Variants in KLHL21 observed in about 807,000 individuals in gnomAD.
KLHL21 encodes kelch like family member 21.
KLHL21 carries 42 observed loss-of-function variants against 44.1 expected under a neutral mutation model. The ratio of observed to expected loss-of-function variants is 0.95; its 90% CI spans 0.74 to 1.23. The LOEUF (loss-of-function observed/expected upper bound fraction) is 1.23. KLHL21 is among the 50% of genes most tolerant of loss of function. The pLI is 0.00. For synonymous variants in KLHL21, 524 were observed against 411.6 expected (o/e 1.27, Z -3.31); for missense variants, 918 against 889.1 (o/e 1.03, Z -0.41).
chr1:6,598,877 C>T (rs556675106), intron 2 of KLHL21, among the ~76,000 whole-genome samples, 170 bp downstream of exon 2: 2 of 152,286 alleles, frequency 1.3e-5, no homozygotes, highest in South Asian at 4.1e-4. Flanking sequence ...AGCGAGACTC[C>T]GTCTCAAAAA....
In KLHL21 at chr1:6,591,031, C is replaced by G. The variant is rs1640841003; in HGVS notation, c.*2334G>C. 1 of 398,572 alleles carries G rather than the reference C, an allele frequency of 2.5e-6. No individual in the cohort carries two copies. The highest frequency in any genetic ancestry group is 2.1e-5 in the African/African-American group (1 of 48,644). 24.7% of individuals were successfully genotyped at this position (398,572 alleles called of 1,614,324 possible). On this transcript the variant is annotated 3_prime_UTR_variant, in exon 4 of 4. Transcript: ENST00000377658. ...AACATGTGGCCATGCCCAGGCATCC[C>G]AGCATCTATCCTGAAGTCAGTGTAA...
chr1:6,602,710 G>C lies in KLHL21; in HGVS notation c.108C>G (p.Asp36Glu). 1 of 1,513,700 alleles carries C rather than the reference G, an allele frequency of 6.6e-7. No individual in the cohort carries two copies. Among genetic ancestry groups the C allele is most frequent in the South Asian group, 1.2e-5 (1 of 81,874 alleles). 93.8% of individuals were successfully genotyped at this position (1,513,700 alleles called of 1,614,324 possible). A position where few individuals can be genotyped will look rare whatever the true frequency, so the allele number is the denominator to read the frequency against. The change falls in exon 1 of 4, where the codon GAC becomes GAG. Residue 36 changes from aspartate to glutamate, a missense_variant. Asp to Glu is a conservative substitution (Grantham distance 45). Transcript: ENST00000377658. ...GCCCGCCCGCCGCCTCCAGGGTCAC[G>C]TCCAGGAACTTGCGCTCGGCGCGCA... ...SQLRAERKFL[D>E]VTLEAAGGRD...
Position 6,593,237 on chromosome 1 carries a change from G to A in KLHL21, c.*128C>T, listed in dbSNP as rs1021705041. 16 of 1,018,878 alleles carry A rather than the reference G, an allele frequency of 1.6e-5. No homozygotes were observed. The African/African-American group carries it at 1.6e-4, about 10-fold the overall frequency. 63.1% of individuals were successfully genotyped at this position (1,018,878 alleles called of 1,614,324 possible). ...CCTTCCAGGTAATGGATCCTGGGCT[G>A]GCTTCGCCACCCAAGAGCCTGTGCT... On this transcript the variant is annotated 3_prime_UTR_variant, in exon 4 of 4. Coordinates refer to ENST00000377658, the MANE Select transcript of KLHL21 (RefSeq NM_014851.4).
intron 2 of KLHL21, among the ~76,000 whole-genome samples, chr1:6,598,681 G>A (rs1420881451): frequency 6.6e-6 from 1 of 151,858 alleles, no homozygotes; most frequent in Non-Finnish European, 1.5e-5. Flanking sequence ...AGGAGATCAA[G>A]ACCATCCTGG....
rs1640872736 is a variant in KLHL21, at chr1:6,592,967, C to T, written c.*398G>A. 5.4e-6 allele frequency: 1 copy of T among 185,122 alleles called. No individual in the cohort carries two copies. The highest frequency in any genetic ancestry group is 1.1e-5 in the Non-Finnish European group (1 of 88,960). 11.5% of individuals were successfully genotyped at this position (185,122 alleles called of 1,614,324 possible). ...GCTCCAGGTTCAGGCCATCCTCAGC[C>T]TCATGGGAGGACCCCTTCTCCCTTC... On this transcript the variant is annotated 3_prime_UTR_variant, in exon 4 of 4. Transcript: ENST00000377658.
chr1:6,599,612 T>C, intron 1 of KLHL21, 160 bp from the exon 2 acceptor site: 1 of 748,346 alleles, frequency 1.3e-6, no homozygotes, highest in Non-Finnish European at 2.1e-6. Context: ...GGCCACATGT[T>C]GTGGCTAAGG....
rs953736657 is a variant in KLHL21, at chr1:6,591,319, C to T, written c.*2046G>A. 17 of 279,702 alleles carry T rather than the reference C, an allele frequency of 6.1e-5. No individual in the cohort carries two copies. The highest frequency in any genetic ancestry group is 1.1e-4 in the Admixed American group (2 of 18,934). The allele number at this position is 279,702 out of a possible 1,614,324, so 17.3% of individuals were successfully genotyped here. A position where few individuals can be genotyped will look rare whatever the true frequency, so the allele number is the denominator to read the frequency against. On this transcript the variant is annotated 3_prime_UTR_variant, in exon 4 of 4. Coordinates refer to ENST00000377658, the MANE Select transcript of KLHL21 (RefSeq NM_014851.4). ...CAAGCGCAGCTCTCCTGCACTGGCT[C>T]GCACCACAGCCCTCATCTGAGTGGC...
intron 2 of KLHL21, among the ~76,000 whole-genome samples, chr1:6,597,181 G>A (rs1325908336): frequency 2.6e-5 from 4 of 152,170 alleles, no homozygotes; most frequent in Non-Finnish European, 4.4e-5. Flanking sequence ...CCTCCCACAC[G>A]TGCAAGTGGC....
At position 6,599,294 on chromosome 1, in the gene KLHL21, G is replaced by A. The variant is rs141248147; in HGVS notation, c.1180C>T (p.Arg394Cys). 98 of 1,613,900 alleles carry A rather than the reference G, an allele frequency of 6.1e-5. No individual in the cohort carries two copies. The Middle Eastern group carries it at 1.2e-3, about 19-fold the overall frequency. ...LYVVAADSTERYDHTTDSWEA... is the reference protein window; with the variant it reads ...LYVVAADSTECYDHTTDSWEA... ...CAGGAGTCAGTGGTGTGGTCATAGC[G>A]CTCGGTGCTGTCGGCGGCCACCACG... The change falls in exon 2 of 4, where the codon CGC becomes TGC. Residue 394 changes from arginine (R) to cysteine (C), a missense_variant. Transcript: ENST00000377658.
rs1640862836 is a variant in KLHL21, at chr1:6,592,394, C to T, written c.*971G>A. ...GGGGCTGCCAAGCTGCGGCATTCAC[C>T]CTCCTGCAGAAAGCTTTGGCAATGG... On this transcript the variant is annotated 3_prime_UTR_variant, in exon 4 of 4. Coordinates refer to ENST00000377658, the MANE Select transcript of KLHL21 (RefSeq NM_014851.4). 1 of 152,216 alleles carries T rather than the reference C, an allele frequency of 6.6e-6. No individual in the cohort carries two copies. Among genetic ancestry groups the T allele is most frequent in the Admixed American group, 6.5e-5 (1 of 15,282 alleles). 9.4% of individuals were successfully genotyped at this position (152,216 alleles called of 1,614,324 possible).
Position 6,593,327 on chromosome 1 carries a change from G to C in KLHL21, c.*38C>G, listed in dbSNP as rs201663664. 1.6e-5 allele frequency: 24 copies of C among 1,528,768 alleles called. No homozygotes were observed. The East Asian group carries it at 4.1e-4, about 26-fold the overall frequency. The allele number at this position is 1,528,768 out of a possible 1,614,324, so 94.7% of individuals were successfully genotyped here. Reference sequence around the variant, plus strand: ...GGGGCACTGCCCCGCAGAGGTGCCAGTTACCTGCACCGAGGCCCGTGCCGG... The same window carrying C: ...GGGGCACTGCCCCGCAGAGGTGCCACTTACCTGCACCGAGGCCCGTGCCGG... On this transcript the variant is annotated 3_prime_UTR_variant, in exon 4 of 4. Coordinates refer to ENST00000377658, the MANE Select transcript of KLHL21 (RefSeq NM_014851.4).
At chr1:6,593,742 A>G (rs1372469777) in intron 3 of KLHL21, 84 bp from the exon 4 acceptor site, 8 of 1,465,862 alleles carry the variant, frequency 5.5e-6, no homozygotes, top group Non-Finnish European at 7.2e-6. Context: ...GAGACAAGGC[A>G]TGCCCTGTCA....
intron 2 of KLHL21, 116 bp from the exon 3 acceptor site, chr1:6,595,673 C>G (rs992460983): frequency 2.4e-6 from 2 of 834,446 alleles, no homozygotes; most frequent in African/African-American, 3.4e-5. Flanking sequence ...CTGGATCTTT[C>G]TGATGCCATC....
intron 1 of KLHL21, among the ~76,000 whole-genome samples, chr1:6,600,627 T>G (rs1274811181): frequency 6.6e-6 from 1 of 152,228 alleles, no homozygotes; most frequent in East Asian, 1.9e-4. Context: ...CTGAAAGGAA[T>G]GAACCAGCCA....
At chr1:6,599,637 A>G in intron 1 of KLHL21, 185 bp from the exon 2 acceptor site, 1 of 627,150 alleles carries the variant, frequency 1.6e-6, no homozygotes, top group African/African-American at 1.8e-5. Flanking sequence ...GCACACGCTG[A>G]CCACTGTCCA....
intron 2 of KLHL21, among the ~76,000 whole-genome samples, chr1:6,598,505 G>A (rs1234666210): frequency 6.6e-6 from 1 of 152,028 alleles, no homozygotes; most frequent in African/African-American, 2.4e-5. Flanking sequence ...GGGAGGCAGA[G>A]GTTGCAGTGA....
Position 6,591,199 on chromosome 1 carries a change from T to G in KLHL21, c.*2166A>C. On this transcript the variant is annotated 3_prime_UTR_variant, in exon 4 of 4. Transcript: ENST00000377658. ...ATTGCTGCAGAGGCTGGTGCCTGGT[T>G]TTCCCCATACTTGGTCTTCTAAACC... The G allele has an allele frequency of 2.6e-6, 1 of 391,908 alleles. No individual in the cohort carries two copies. Among genetic ancestry groups the G allele is most frequent in the Non-Finnish European group, 4.5e-6 (1 of 222,214 alleles). The allele number at this position is 391,908 out of a possible 1,614,324, so 24.3% of individuals were successfully genotyped here.
Position 6,593,530 on chromosome 1 carries a change from C to T in KLHL21, c.1629G>A (p.Val543=). The stretch of plus-strand genomic sequence containing the variant: ...AGAAGGTGGGTTCTGGGAGCCGCCC[C>T]ACCACGCTCCACGCGCGAGTCTCTG... ...YDPETRAWSV[V]GRLPEPTFWH... Residue 543 remains valine (V), a synonymous_variant, in exon 4 of 4, where the codon GTG becomes GTA. Transcript: ENST00000377658. The T allele has an allele frequency of 1.2e-6, 2 of 1,613,962 alleles. No homozygotes were observed. Among genetic ancestry groups the T allele is most frequent in the South Asian group, 2.2e-5 (2 of 91,092 alleles).
chr1:6,598,459 A>T (rs1640958699), intron 2 of KLHL21, among the ~76,000 whole-genome samples: 2 of 152,146 alleles, frequency 1.3e-5, no homozygotes, highest in African/African-American at 4.8e-5. Flanking sequence ...AATCCCAGCT[A>T]CTTGGCAGGC....
Sources: allele counts gnomAD v4.1 joint callset (sites outside exome capture counted in the v4.1 genomes callset), GRCh38; gene constraint gnomAD v4.1.1; transcripts MANE v1.5; gene names NCBI Gene and HGNC (gene_info 2026-07-23, HGNC 2026-07-21).